Variants in KDR observed in about 807,000 individuals in gnomAD.
KDR encodes the protein kinase insert domain receptor, also known as vascular endothelial growth factor receptor 2.
In KDR, 43 loss-of-function variants were observed where a neutral mutation model predicts 160.9. The ratio of observed to expected loss-of-function variants is 0.27; its 90% CI spans 0.21 to 0.34. The LOEUF (loss-of-function observed/expected upper bound fraction) is 0.34, where lower values mean the gene tolerates loss of function less well. Ranked by LOEUF, KDR falls within the 10% of genes least tolerant of loss-of-function variation. The pLI, the probability that KDR is intolerant of heterozygous loss-of-function variation, is 1.00. For synonymous variants in KDR, 617 were observed against 600.1 expected (o/e 1.03, Z -0.41); for missense variants, 1,469 against 1,666.4 (o/e 0.88, Z 2.06).
chr4:55,109,202 C>T (rs1184919767), intron 9 of KDR, among the ~76,000 whole-genome samples: 1 of 152,078 alleles, frequency 6.6e-6, no homozygotes, highest in African/African-American at 2.4e-5. Flanking sequence ...CCTGCCTCAG[C>T]CTCCCAAGTA....
chr4:55,092,381 G>A, intron 22 of KDR: 1 of 517,544 alleles, frequency 1.9e-6, no homozygotes, highest in Admixed American at 3.0e-5. Flanking sequence ...GTGCTCAGAA[G>A]ACTGCCTCAC....
At chr4:55,085,465 C>T (rs184383017) in intron 27 of KDR, among the ~76,000 whole-genome samples, 53 of 152,208 alleles carry the variant, frequency 3.5e-4, no homozygotes, top group Non-Finnish European at 6.0e-4. Flanking sequence ...GCCAGAAATG[C>T]GTAAGAGGAT....
chr4:55,125,349 A>T lies in KDR; in HGVS notation c.-56T>A, dbSNP rs1338524986. On this transcript the variant is annotated 5_prime_UTR_variant, in exon 1 of 30. Transcript: ENST00000263923. ...AACTCGGGAGCCGGTTCTTTCTCCCAGCGCCTGTCTAGAGAAGGAGGCGCG... is the reference window on the plus strand; with the variant it reads ...AACTCGGGAGCCGGTTCTTTCTCCCTGCGCCTGTCTAGAGAAGGAGGCGCG... The T allele has an allele frequency of 6.4e-7, 1 of 1,561,884 alleles. No individual in the cohort carries two copies. The highest frequency in any genetic ancestry group is 8.7e-7 in the Non-Finnish European group (1 of 1,152,020).
At chr4:55,105,185 G>A (rs555457854) in intron 12 of KDR, among the ~76,000 whole-genome samples, 1 of 152,280 alleles carries the variant, frequency 6.6e-6, no homozygotes, top group Admixed American at 6.5e-5. Flanking sequence ...ACTTGAAAAT[G>A]TAAACGAATT....
intron 9 of KDR, among the ~76,000 whole-genome samples, chr4:55,108,557 G>A (rs999575254): frequency 5.9e-5 from 9 of 152,086 alleles, no homozygotes; most frequent in African/African-American, 1.4e-4. Context: ...GTTAACGAAC[G>A]GCAAAACCTG....
rs1268928403 is a variant in KDR at position 55,094,902 on chromosome 4, C to A, written c.2871G>T (p.Val957=). ...TGCTGTCCAAGCGCCGTTTCAGATCCACAGGGATTGCTCCAACGTAGTCTT... is the reference window on the plus strand; with the variant it reads ...TGCTGTCCAAGCGCCGTTTCAGATCAACAGGGATTGCTCCAACGTAGTCTT... ...QGKDYVGAIP[V]DLKRRLDSIT... The change falls in exon 21 of 30, where the codon GTG becomes GTT. Residue 957 remains valine (V), a synonymous_variant. Coordinates refer to ENST00000263923, the MANE Select transcript of KDR (RefSeq NM_002253.4). The A allele has an allele frequency of 6.2e-7, 1 of 1,613,978 alleles. No individual in the cohort carries two copies. The highest frequency in any genetic ancestry group is 8.5e-7 in the Non-Finnish European group (1 of 1,179,918).
intron 22 of KDR, among the ~76,000 whole-genome samples, chr4:55,091,363 G>A (rs578163362): frequency 4.1e-4 from 62 of 152,118 alleles, no homozygotes; most frequent in Non-Finnish European, 7.2e-4. Flanking sequence ...TTTTTAACCC[G>A]ACAACCAAGT....
At chr4:55,107,274 C>T (rs1307012780) in intron 10 of KDR, among the ~76,000 whole-genome samples, 1 of 152,008 alleles carries the variant, frequency 6.6e-6, no homozygotes, top group Non-Finnish European at 1.5e-5. Flanking sequence ...TGTGTTTTTC[C>T]CTAAGGATGT....
intron 15 of KDR, among the ~76,000 whole-genome samples, chr4:55,101,152 G>A (rs992265094): frequency 2.0e-5 from 3 of 152,116 alleles, no homozygotes; most frequent in Non-Finnish European, 2.9e-5. Context: ...TGATTAGGCA[G>A]CAATTCTAAT....
At position 55,105,946 on chromosome 4, in the gene KDR, C is replaced by CG; in HGVS notation, c.1537-7dup. ...ATAACAAGGGTACTTACAGTCTGTG[C>CG]GGGGAAAAAACAAATCCCAGGCCAT... On this transcript the variant is annotated splice_polypyrimidine_tract_variant and splice_region_variant and intron_variant, in intron 11 of 29. Transcript: ENST00000263923. 6.3e-7 allele frequency: 1 copy of CG among 1,592,908 alleles called. No individual in the cohort carries two copies. The highest frequency in any genetic ancestry group is 8.6e-7 in the Non-Finnish European group (1 of 1,160,882).
chr4:55,090,167 A>G (rs2110012054), intron 22 of KDR, 89 bp from the exon 23 acceptor site: 1 of 1,506,586 alleles, frequency 6.6e-7, no homozygotes, highest in African/African-American at 1.4e-5. Flanking sequence ...AAAAAATCCC[A>G]CATCAGAAAG....
At chr4:55,104,380 G>A (rs1250921632) in intron 13 of KDR, among the ~76,000 whole-genome samples, 1 of 152,202 alleles carries the variant, frequency 6.6e-6, no homozygotes, top group African/African-American at 2.4e-5. Context: ...CCAAGATAAG[G>A]CAGAAGTTTC....
In KDR at chr4:55,121,118, G is replaced by T; in HGVS notation, c.140C>A (p.Thr47Lys). The stretch of plus-strand genomic sequence containing the variant: ...TTACCTGCAAGTAATTTGAAGAGTT[G>T]TATTAGCCTTAATTGTAAGTATGTC... Reference protein sequence around the residue: ...QKDILTIKANTTLQITCRGQR... With the variant: ...QKDILTIKANKTLQITCRGQR... Residue 47 changes from threonine (T) to lysine (K), a missense_variant, in exon 2 of 30, where the codon ACA (threonine) becomes AAA (lysine). Coordinates refer to ENST00000263923, the MANE Select transcript of KDR (RefSeq NM_002253.4). 6.2e-7 allele frequency: 1 copy of T among 1,612,136 alleles called. No individual in the cohort carries two copies. Among genetic ancestry groups the T allele is most frequent in the Non-Finnish European group, 8.5e-7 (1 of 1,178,328 alleles).
At chr4:55,114,742 C>G in intron 5 of KDR, 132 bp downstream of exon 5, 1 of 769,706 alleles carries the variant, frequency 1.3e-6, no homozygotes, top group Non-Finnish European at 2.2e-6. Context: ...TAGAGAAGAG[C>G]AGATGAATTG....
intron 21 of KDR, 69 bp downstream of exon 21, chr4:55,094,733 G>C: frequency 7.0e-7 from 1 of 1,436,050 alleles, no homozygotes; most frequent in South Asian, 1.2e-5. Flanking sequence ...CAAATTCCTT[G>C]TAACACCCTA....
Position 55,079,563 on chromosome 4 carries a change from G to C in KDR, c.*378C>G, listed in dbSNP as rs1419783246. Reference sequence around the variant, plus strand: ...CTTCAACACCTCGAACACTTACATTGCCTGGTTTATCTTCTAGTTTTACAG... The same window carrying C: ...CTTCAACACCTCGAACACTTACATTCCCTGGTTTATCTTCTAGTTTTACAG... On this transcript the variant is annotated 3_prime_UTR_variant, in exon 30 of 30. Coordinates refer to ENST00000263923, the MANE Select transcript of KDR (RefSeq NM_002253.4). 2 of 384,374 alleles carry C rather than the reference G, an allele frequency of 5.2e-6. No individual in the cohort carries two copies. Among genetic ancestry groups the C allele is most frequent in the Non-Finnish European group, 9.7e-6 (2 of 206,638 alleles). 23.8% of individuals were successfully genotyped at this position (384,374 alleles called of 1,614,324 possible).
intron 12 of KDR, among the ~76,000 whole-genome samples, chr4:55,105,559 G>C (rs1054663817): frequency 6.6e-6 from 1 of 152,210 alleles, no homozygotes; most frequent in Admixed American, 6.5e-5. Context: ...GCCAGACTCT[G>C]AAGACTGAGA....
At position 55,115,335 on chromosome 4, in the gene KDR, A is replaced by G. The variant is rs1407026076; in HGVS notation, c.435T>C (p.Thr145=). 6 of 1,552,300 alleles carry G rather than the reference A, an allele frequency of 3.9e-6. No individual in the cohort carries two copies. Among genetic ancestry groups the G allele is most frequent in the African/African-American group, 1.4e-5 (1 of 72,950 alleles). Reference sequence around the variant, plus strand: ...TGGACCCGAGACATGGAATCACCACAGTTTTGTTTTTGTTCTCAGTAATGT... The same window carrying G: ...TGGACCCGAGACATGGAATCACCACGGTTTTGTTTTTGTTCTCAGTAATGT... ...VVYITENKNK[T]VVIPCLGSIS... Residue 145 remains threonine, a synonymous_variant, in exon 4 of 30, where the codon ACT becomes ACC. Transcript: ENST00000263923.
intron 22 of KDR, among the ~76,000 whole-genome samples, chr4:55,091,875 C>A (rs190165106): frequency 7.6e-4 from 116 of 152,296 alleles, no homozygotes; most frequent in African/African-American, 2.7e-3. Flanking sequence ...GTGTTTACAA[C>A]CTTTGGAATA....
Sources: allele counts gnomAD v4.1 joint callset (sites outside exome capture counted in the v4.1 genomes callset), GRCh38; gene constraint gnomAD v4.1.1; transcripts MANE v1.5; gene names NCBI Gene and HGNC (gene_info 2026-07-23, HGNC 2026-07-21).